Variants in DTNB observed in about 807,000 individuals in gnomAD.
DTNB encodes dystrobrevin beta, also known as DTN-B.
A neutral mutation model predicts 90.7 loss-of-function variants in DTNB; 63 were observed. The ratio of observed to expected loss-of-function variants is 0.69; its 90% CI spans 0.57 to 0.86. The LOEUF (loss-of-function observed/expected upper bound fraction) is 0.86. Ranked by LOEUF, DTNB falls within the 40% of genes least tolerant of loss-of-function variation. The pLI is 0.00. For missense variants in DTNB, 744 were observed against 807.1 expected, an observed-to-expected ratio of 0.92 and a Z score of 0.95; for synonymous variants, 277 against 286.7, an observed-to-expected ratio of 0.97 and a Z score of 0.34.
intron 11 of DTNB, among the ~76,000 whole-genome samples, chr2:25,452,346 T>C (rs948830040): frequency 1.3e-5 from 2 of 151,974 alleles, no homozygotes; most frequent in Non-Finnish European, 2.9e-5. Context: ...GGGATGCTGA[T>C]ATGGAACTTC....
At chr2:25,404,048 A>T (rs918673343) in intron 16 of DTNB, among the ~76,000 whole-genome samples, 1 of 152,026 alleles carries the variant, frequency 6.6e-6, no homozygotes, top group African/African-American at 2.4e-5. Context: ...AACAATATCT[A>T]CCTCACAGGT....
chr2:25,549,090 A>G (rs554190468), intron 8 of DTNB, among the ~76,000 whole-genome samples: 1 of 152,026 alleles, frequency 6.6e-6, no homozygotes, highest in East Asian at 1.9e-4. Context: ...AATAATATTT[A>G]TTGTTAACTG....
chr2:25,387,171 G>T lies in DTNB; in HGVS notation c.1825+118C>A. On this transcript the variant is annotated intron_variant, in intron 18 of 20. Coordinates refer to ENST00000406818, the MANE Select transcript of DTNB (RefSeq NM_021907.5). This position sits in a 1 kb window ranked among gnomAD's most constrained non-coding sequence, Gnocchi z 4.5. ...GTGTTCCTAGAAGGCAAAGTTAGGT[G>T]ATGAAATGGGGTGGTGCAAGCTGGG... The T allele has an allele frequency of 1.1e-6, 1 of 892,580 alleles. No homozygotes were observed. The highest frequency in any genetic ancestry group is 1.7e-6 in the Non-Finnish European group (1 of 583,916). 55.3% of individuals were successfully genotyped at this position (892,580 alleles called of 1,614,324 possible). A position where few individuals can be genotyped will look rare whatever the true frequency, so the allele number is the denominator to read the frequency against.
At chr2:25,516,877 G>A (rs1011024375) in intron 9 of DTNB, among the ~76,000 whole-genome samples, 4 of 151,874 alleles carry the variant, frequency 2.6e-5, no homozygotes, top group Non-Finnish European at 5.9e-5. Flanking sequence ...GGCAACAACA[G>A]CAAAACCCTG....
intron 19 of DTNB, among the ~76,000 whole-genome samples, chr2:25,380,987 G>A (rs2037535695): frequency 6.6e-6 from 1 of 152,238 alleles, no homozygotes; most frequent in South Asian, 2.1e-4. Flanking sequence ...ACCAGGATAA[G>A]GGCTAGAGTT....
At position 25,379,337 on chromosome 2, in the gene DTNB, G is replaced by C. The variant is rs751042756; in HGVS notation, c.1880-14C>G. ...TCCTCTGCTAACCTGTGGCAGCATG[G>C]GCAGAAACAACACACTGAGGTCACG... On this transcript the variant is annotated splice_polypyrimidine_tract_variant and intron_variant, in intron 19 of 20. Transcript: ENST00000406818. 5 of 1,314,278 alleles carry C rather than the reference G, an allele frequency of 3.8e-6. No individual in the cohort carries two copies. The highest frequency in any genetic ancestry group is 3.9e-6 in the Non-Finnish European group (4 of 1,022,412). The allele number at this position is 1,314,278 out of a possible 1,614,324, so 81.4% of individuals were successfully genotyped here.
chr2:25,580,617 G>T, intron 7 of DTNB, 104 bp downstream of exon 7: 1 of 1,094,418 alleles, frequency 9.1e-7, no homozygotes, highest in Non-Finnish European at 1.3e-6. Flanking sequence ...GACAGCAAAT[G>T]TCAACTGTAA....
intron 8 of DTNB, among the ~76,000 whole-genome samples, chr2:25,532,014 A>G (rs1246523174): frequency 6.6e-6 from 1 of 152,178 alleles, no homozygotes; most frequent in Non-Finnish European, 1.5e-5. Flanking sequence ...TGGAAGGCCA[A>G]GGTAGGTGGA....
chr2:25,523,438 G>A (rs916215716), intron 9 of DTNB, among the ~76,000 whole-genome samples: 2 of 152,156 alleles, frequency 1.3e-5, no homozygotes, highest in South Asian at 2.1e-4. Flanking sequence ...TCAGGAGTTC[G>A]AGACCAGCTA....
chr2:25,525,605 C>T (rs2076942514), intron 9 of DTNB, among the ~76,000 whole-genome samples: 1 of 151,148 alleles, frequency 6.6e-6, no homozygotes, highest in South Asian at 2.1e-4. Flanking sequence ...CATTGCACTC[C>T]AGCCTCGGCA....
At chr2:25,419,468 C>A in intron 16 of DTNB, 47 bp downstream of exon 16, 1 of 1,554,422 alleles carries the variant, frequency 6.4e-7, no homozygotes, top group Non-Finnish European at 8.7e-7. Context: ...AAAGGAAGAA[C>A]GTGCAAAGGA....
At chr2:25,641,945 C>T (rs931524829) in intron 2 of DTNB, among the ~76,000 whole-genome samples, 1 of 151,986 alleles carries the variant, frequency 6.6e-6, no homozygotes, top group Non-Finnish European at 1.5e-5. Flanking sequence ...CTCAGCCTCC[C>T]GAGTAGCTGG....
chr2:25,405,410 G>A (rs1558378470), intron 16 of DTNB, among the ~76,000 whole-genome samples: 1 of 151,904 alleles, frequency 6.6e-6, no homozygotes, highest in South Asian at 2.1e-4. Context: ...TTGTGGCTGC[G>A]GGCACCTGTA....
intron 9 of DTNB, among the ~76,000 whole-genome samples, chr2:25,502,138 T>C (rs1010699939): frequency 6.6e-6 from 1 of 152,008 alleles, no homozygotes; most frequent in African/African-American, 2.4e-5. Flanking sequence ...TGAGCCGTGA[T>C]TGCACCACTG....
intron 8 of DTNB, among the ~76,000 whole-genome samples, chr2:25,539,730 C>T (rs1365579718): frequency 6.6e-6 from 1 of 151,996 alleles, no homozygotes; most frequent in Non-Finnish European, 1.5e-5. Flanking sequence ...TATCAGTGGT[C>T]CCAATGTAGT....
chr2:25,380,383 T>C (rs1356082557), intron 19 of DTNB, among the ~76,000 whole-genome samples: 1 of 152,198 alleles, frequency 6.6e-6, no homozygotes, highest in Non-Finnish European at 1.5e-5. Context: ...CTTATAAAAA[T>C]GCCCATGTAT....
intron 6 of DTNB, among the ~76,000 whole-genome samples, chr2:25,581,341 C>A (rs1489654266): frequency 6.6e-6 from 1 of 152,044 alleles, no homozygotes; most frequent in East Asian, 1.9e-4. Context: ...ATTTAAAGGG[C>A]AAACACCTAG....
chr2:25,490,293 A>G (rs2067118012), intron 9 of DTNB, among the ~76,000 whole-genome samples: 1 of 149,056 alleles, frequency 6.7e-6, no homozygotes, highest in Non-Finnish European at 1.5e-5. Flanking sequence ...GGCAGGGGGA[A>G]TTATAGACCA....
chr2:25,435,043 CAG>C (rs1273490455), intron 12 of DTNB, among the ~76,000 whole-genome samples: 1 of 151,956 alleles, frequency 6.6e-6, no homozygotes, highest in Non-Finnish European at 1.5e-5. Flanking sequence ...CTTTTTGAGA[CAG>C]AGTCTCACTC....
Sources: gnomAD v4.1 joint callset for allele counts (sites outside exome capture counted in the v4.1 genomes callset) on GRCh38, gnomAD v4.1.1 for gene constraint, Gnocchi (gnomAD v3.1) non-coding constraint, MANE v1.5 for transcripts, NCBI Gene and HGNC (gene_info 2026-07-23, HGNC 2026-07-21) for gene names.